The following RAPGEF4 variants were observed in gnomAD, a reference collection of about 807,000 sequenced individuals.
RAPGEF4 encodes the protein RAP guanine-nucleotide-exchange factor (GEF) 4.
In RAPGEF4, 66 loss-of-function variants were observed where a neutral mutation model predicts 147.9. The observed-to-expected ratio is 0.45, with a 90% confidence interval of 0.37 to 0.55. The LOEUF (loss-of-function observed/expected upper bound fraction) is 0.55. Ranked by LOEUF, RAPGEF4 falls within the 20% of genes least tolerant of loss-of-function variation. The pLI is 0.00. For missense variants in RAPGEF4, 1,071 were observed against 1,257.3 expected (o/e 0.85, Z 2.24); for synonymous variants, 419 against 442.7 (o/e 0.95, Z 0.67).
intron 29 of RAPGEF4, among the ~76,000 whole-genome samples, chr2:173,044,842 G>A (rs1685253644): frequency 6.6e-6 from 1 of 152,172 alleles, no homozygotes; most frequent in African/African-American, 2.4e-5. Context: ...TCAAGGGAAT[G>A]TGTCATAAAC....
intron 1 of RAPGEF4, 105 bp from the exon 2 acceptor site, chr2:172,794,920 G>A: frequency 2.7e-6 from 3 of 1,114,356 alleles, no homozygotes; most frequent in Non-Finnish European, 1.3e-6. Flanking sequence ...ATATTCACAA[G>A]TGGGATATTT....
At position 172,964,810 on chromosome 2, in the gene RAPGEF4, A is replaced by G. The variant is rs1321450900; in HGVS notation, c.699-752A>G. ...CTCTCACCCCATGGGGAATTTCTGT[A>G]TTCCCAAATATGTGAGTGTATATAC... On this transcript the variant is annotated intron_variant, in intron 8 of 30. Transcript: ENST00000397081. Among the ~76,000 whole-genome samples the G allele has an allele frequency of 5.3e-5, 8 of 152,172 alleles. No individual in the cohort carries two copies. The East Asian group carries it at 1.2e-3, about 22-fold the overall frequency.
chr2:172,915,879 G>A (rs75058657), intron 4 of RAPGEF4, among the ~76,000 whole-genome samples: 6,336 of 152,162 alleles, frequency 0.042, 166 homozygotes, highest in Middle Eastern at 0.065. Context: ...AAAATTTAGA[G>A]AGTCAACAGA....
At chr2:172,906,343 C>A (rs1699628544) in intron 4 of RAPGEF4, among the ~76,000 whole-genome samples, 1 of 152,162 alleles carries the variant, frequency 6.6e-6, no homozygotes, top group South Asian at 2.1e-4. Context: ...CTGTGTTATT[C>A]TTCCCCAATC....
At chr2:172,972,823 A>G (rs72896046) in intron 10 of RAPGEF4, among the ~76,000 whole-genome samples, 2,471 of 152,264 alleles carry the variant, frequency 0.016, 29 homozygotes, top group Middle Eastern at 0.034. Flanking sequence ...CGATCTCTTT[A>G]TTGGAGAAAA....
intron 18 of RAPGEF4, among the ~76,000 whole-genome samples, chr2:173,015,791 C>G (rs998344451): frequency 5.3e-5 from 8 of 152,144 alleles, no homozygotes; most frequent in African/African-American, 1.7e-4. Context: ...ATCATAAATT[C>G]GCTACAGTGC....
At chr2:172,836,137 T>C (rs1226318359) in intron 4 of RAPGEF4, among the ~76,000 whole-genome samples, 1 of 152,222 alleles carries the variant, frequency 6.6e-6, no homozygotes, top group Non-Finnish European at 1.5e-5. Flanking sequence ...CTTATTTTTT[T>C]AGATGCAAAT....
chr2:172,972,393 T>C (rs1202628660), intron 10 of RAPGEF4, among the ~76,000 whole-genome samples: 1 of 152,228 alleles, frequency 6.6e-6, no homozygotes, highest in Non-Finnish European at 1.5e-5. Context: ...TGATTTCTGC[T>C]GGGATGTGTC....
chr2:172,746,434 A>G (rs992258487), intron 1 of RAPGEF4, among the ~76,000 whole-genome samples: 1 of 152,160 alleles, frequency 6.6e-6, no homozygotes, highest in Admixed American at 6.5e-5. Context: ...AATGCTACAG[A>G]ACATAGCCCC....
chr2:172,771,957 C>T (rs1057405549), intron 1 of RAPGEF4, among the ~76,000 whole-genome samples: 1 of 152,144 alleles, frequency 6.6e-6, no homozygotes, highest in Non-Finnish European at 1.5e-5. Context: ...TAACTGTTGG[C>T]TGGGCATGGT....
intron 17 of RAPGEF4, 83 bp from the exon 18 acceptor site, chr2:173,014,381 T>G: frequency 6.4e-7 from 1 of 1,561,940 alleles, no homozygotes; most frequent in Admixed American, 1.8e-5. Context: ...TTTCTGAAGC[T>G]GGGATCTGTC....
At chr2:172,754,295 T>C (rs979725302) in intron 1 of RAPGEF4, among the ~76,000 whole-genome samples, 3 of 152,220 alleles carry the variant, frequency 2.0e-5, no homozygotes, top group African/African-American at 7.2e-5. Flanking sequence ...GCTGAAATCA[T>C]ACAGATCATG....
At chr2:172,802,839 G>A (rs1472499919) in intron 3 of RAPGEF4, among the ~76,000 whole-genome samples, 1 of 152,186 alleles carries the variant, frequency 6.6e-6, no homozygotes. Context: ...CATTCCAAAT[G>A]GGAGAAATTG....
At chr2:172,896,915 T>A (rs1005097059) in intron 4 of RAPGEF4, among the ~76,000 whole-genome samples, 7 of 152,152 alleles carry the variant, frequency 4.6e-5, no homozygotes, top group African/African-American at 1.7e-4. Flanking sequence ...TACTGAGAAA[T>A]CGACACATGC....
intron 2 of RAPGEF4, 36 bp from the exon 3 acceptor site, chr2:172,797,489 A>T: frequency 6.5e-7 from 1 of 1,546,356 alleles, no homozygotes; most frequent in Non-Finnish European, 8.9e-7. Context: ...ACCAAGTTGT[A>T]TCTGTTATAT....
chr2:173,018,139 G>T lies in RAPGEF4; in HGVS notation c.2009-517G>T, dbSNP rs541159275. ...GTTGAGCCTCTGGGTGCCATATCCA[G>T]ATCTGCTGATCTAAGTCTGCTGAGC... On this transcript the variant is annotated intron_variant, in intron 21 of 30. Coordinates refer to ENST00000397081, the MANE Select transcript of RAPGEF4 (RefSeq NM_007023.4). 3.3e-5 allele frequency among the ~76,000 whole-genome samples: 5 copies of T among 152,328 alleles called. No homozygotes were observed. The East Asian group carries it at 9.6e-4, about 29-fold the overall frequency.
At chr2:173,033,384 A>T (rs1697378970) in intron 26 of RAPGEF4, among the ~76,000 whole-genome samples, 1 of 152,196 alleles carries the variant, frequency 6.6e-6, no homozygotes, top group Non-Finnish European at 1.5e-5. Flanking sequence ...TCAAATGAAT[A>T]TTTAGGGAGT....
chr2:173,012,300 G>A (rs1695102663), intron 17 of RAPGEF4, among the ~76,000 whole-genome samples: 1 of 152,086 alleles, frequency 6.6e-6, no homozygotes, highest in Non-Finnish European at 1.5e-5. Context: ...CAGCCTAATG[G>A]GAGCTTTGAC....
At chr2:172,783,117 A>AT (rs566680567) in intron 1 of RAPGEF4, among the ~76,000 whole-genome samples, 296 of 152,346 alleles carry the variant, frequency 1.9e-3, no homozygotes, top group Middle Eastern at 6.8e-3. Context: ...CATTCTTTAG[A>AT]TATTAGCAGG....
Sources: allele counts gnomAD v4.1 joint callset (sites outside exome capture counted in the v4.1 genomes callset), GRCh38; gene constraint gnomAD v4.1.1; transcripts MANE v1.5; gene names NCBI Gene and HGNC (gene_info 2026-07-23, HGNC 2026-07-21).